ACOXL: variants seen among roughly 807,000 people sequenced by gnomAD.
ACOXL encodes the protein acyl-CoA oxidase like.
Under a neutral mutation model 71.9 loss-of-function variants are expected in ACOXL, and 70 were observed. That is an observed-to-expected ratio of 0.97 (90% confidence interval 0.80 to 1.19). The LOEUF (loss-of-function observed/expected upper bound fraction) is 1.19. Among genes scored for constraint, ACOXL ranks in the 50% most tolerant of loss-of-function variants. ACOXL has a pLI of 0.00. For synonymous variants in ACOXL, 253 were observed against 281.6 expected (o/e 0.90, Z 1.02); for missense variants, 703 against 736.3 (o/e 0.95, Z 0.52).
intron 12 of ACOXL, among the ~76,000 whole-genome samples, chr2:110,971,846 T>A (rs1388207124): frequency 6.6e-6 from 1 of 152,224 alleles, no homozygotes; most frequent in East Asian, 1.9e-4. Context: ...ATTCAGACAT[T>A]ACATTAATTC....
chr2:110,782,069 ATAG>A (rs1390664255), intron 2 of ACOXL, among the ~76,000 whole-genome samples: 2 of 152,210 alleles, frequency 1.3e-5, no homozygotes, highest in African/African-American at 4.8e-5. Context: ...AAGCTGGGGT[ATAG>A]TACTCATAAA....
intron 1 of ACOXL, among the ~76,000 whole-genome samples, chr2:110,739,828 G>T (rs1428945896): frequency 6.6e-6 from 1 of 152,210 alleles, no homozygotes; most frequent in Non-Finnish European, 1.5e-5. Context: ...GTTACCACTT[G>T]CCTGTTCACT....
At chr2:110,930,941 A>T (rs530179671) in intron 11 of ACOXL, among the ~76,000 whole-genome samples, 1 of 152,332 alleles carries the variant, frequency 6.6e-6, no homozygotes, top group Admixed American at 6.5e-5. Context: ...AGCAGTATGA[A>T]AACACTAATA....
At chr2:110,985,262 G>A (rs1273753889) in intron 12 of ACOXL, among the ~76,000 whole-genome samples, 2 of 152,100 alleles carry the variant, frequency 1.3e-5, no homozygotes, top group East Asian at 3.8e-4. Flanking sequence ...CTTACTTTGT[G>A]TAGCAGCAGC....
chr2:110,928,757 C>A (rs1270952143), intron 11 of ACOXL, among the ~76,000 whole-genome samples: 1 of 152,112 alleles, frequency 6.6e-6, no homozygotes, highest in Non-Finnish European at 1.5e-5. Flanking sequence ...GTGGGAGGGA[C>A]CCAGTGGGAG....
intron 1 of ACOXL, among the ~76,000 whole-genome samples, chr2:110,762,138 C>G (rs909926516): frequency 6.6e-6 from 1 of 152,128 alleles, no homozygotes; most frequent in East Asian, 1.9e-4. Flanking sequence ...TCTACTCTAG[C>G]TGATATAAAT....
intron 17 of ACOXL, among the ~76,000 whole-genome samples, chr2:111,096,157 C>T (rs2068787609): frequency 6.6e-6 from 1 of 152,102 alleles, no homozygotes; most frequent in Non-Finnish European, 1.5e-5. Flanking sequence ...TCTTCAGATG[C>T]ATCTAACATT....
chr2:110,823,460 A>G (rs931583876), intron 9 of ACOXL, among the ~76,000 whole-genome samples: 9 of 152,296 alleles, frequency 5.9e-5, no homozygotes, highest in African/African-American at 2.2e-4. Flanking sequence ...AAGTTTTTAA[A>G]ATCATTTGGG....
chr2:111,015,940 C>A (rs1287205767), intron 14 of ACOXL, among the ~76,000 whole-genome samples: 1 of 151,950 alleles, frequency 6.6e-6, no homozygotes, highest in Non-Finnish European at 1.5e-5. Flanking sequence ...TTTCTGTTTT[C>A]TTTTGTTTTA....
chr2:110,836,167 T>A (rs1425517706), intron 9 of ACOXL, among the ~76,000 whole-genome samples: 1 of 152,170 alleles, frequency 6.6e-6, no homozygotes, highest in Non-Finnish European at 1.5e-5. Context: ...CAGTAAGATC[T>A]GGGGTGGTGC....
intron 10 of ACOXL, among the ~76,000 whole-genome samples, chr2:110,844,141 A>G (rs1040011587): frequency 6.6e-6 from 1 of 152,228 alleles, no homozygotes; most frequent in Non-Finnish European, 1.5e-5. Context: ...AGGGCTTTCT[A>G]GGCTTGGCTG....
intron 13 of ACOXL, among the ~76,000 whole-genome samples, chr2:110,992,764 C>T (rs1381312979): frequency 6.6e-6 from 1 of 152,208 alleles, no homozygotes; most frequent in African/African-American, 2.4e-5. Context: ...TGTCTCTCTT[C>T]CTCCTGCATG....
At chr2:110,829,899 TC>T (rs1286208853) in intron 9 of ACOXL, among the ~76,000 whole-genome samples, 2 of 152,206 alleles carry the variant, frequency 1.3e-5, no homozygotes, top group Non-Finnish European at 2.9e-5. Context: ...AGAGATTGCT[TC>T]CTTGTTCTTT....
At chr2:111,032,640 G>C (rs916530564) in intron 15 of ACOXL, among the ~76,000 whole-genome samples, 3 of 152,142 alleles carry the variant, frequency 2.0e-5, no homozygotes, top group African/African-American at 7.2e-5. Flanking sequence ...TGCTGGCCCT[G>C]GGAGGGCTGG....
At chr2:110,988,493 T>G (rs1211877275) in intron 13 of ACOXL, among the ~76,000 whole-genome samples, 2 of 152,164 alleles carry the variant, frequency 1.3e-5, no homozygotes, top group Non-Finnish European at 2.9e-5. Flanking sequence ...CTTTTAGTTA[T>G]TTGCAATCTG....
chr2:110,770,186 A>G (rs1468689763), intron 2 of ACOXL, among the ~76,000 whole-genome samples: 1 of 152,014 alleles, frequency 6.6e-6, no homozygotes, highest in Non-Finnish European at 1.5e-5. Flanking sequence ...CCCTTTCCCC[A>G]CCCAGCATGG....
intron 1 of ACOXL, among the ~76,000 whole-genome samples, chr2:110,741,078 C>G (rs1677469452): frequency 6.6e-6 from 1 of 152,132 alleles, no homozygotes; most frequent in Non-Finnish European, 1.5e-5. Context: ...ATATCCCAGG[C>G]ATTCCTGGGA....
chr2:110,858,534 G>A (rs1259316297), intron 10 of ACOXL, among the ~76,000 whole-genome samples: 3 of 152,214 alleles, frequency 2.0e-5, no homozygotes, highest in African/African-American at 7.2e-5. Context: ...TGAGCCTGTG[G>A]TAGCAGTCTG....
intron 16 of ACOXL, among the ~76,000 whole-genome samples, chr2:111,069,164 T>TA (rs2067219559): frequency 6.7e-6 from 1 of 150,062 alleles, no homozygotes; most frequent in South Asian, 2.1e-4. Context: ...TTTTTTTTTT[T>TA]AATTTGAGAC....
Sources: gnomAD v4.1 joint callset for allele counts (sites outside exome capture counted in the v4.1 genomes callset) on GRCh38, gnomAD v4.1.1 for gene constraint, MANE v1.5 for transcripts, NCBI Gene and HGNC (gene_info 2026-07-23, HGNC 2026-07-21) for gene names.